Variants in LAMA3 observed in about 807,000 individuals in gnomAD.
The protein encoded by LAMA3 is laminin subunit alpha-3.
A neutral mutation model predicts 402.0 loss-of-function variants in LAMA3; 281 were observed. That is an observed-to-expected ratio of 0.70 (90% CI 0.63 to 0.77). The LOEUF is 0.77. Among genes scored for constraint, LAMA3 ranks in the 30% least tolerant of loss-of-function variants. LAMA3 has a pLI of 0.00. For synonymous variants in LAMA3, 1,431 were observed against 1,558.4 expected, an observed-to-expected ratio of 0.92 and a Z score of 1.93; for missense variants, 3,840 against 4,215.5, an observed-to-expected ratio of 0.91 and a Z score of 2.47.
At chr18:23,922,925 A>G (rs1383878460) in intron 62 of LAMA3, among the ~76,000 whole-genome samples, 3 of 152,204 alleles carry the variant, frequency 2.0e-5, no homozygotes, top group Non-Finnish European at 4.4e-5. Context: ...GAAGAACAGA[A>G]GAGAGACAGT....
At chr18:23,716,166 T>A (rs1294468096) in intron 2 of LAMA3, among the ~76,000 whole-genome samples, 1 of 152,030 alleles carries the variant, frequency 6.6e-6, no homozygotes, top group Non-Finnish European at 1.5e-5. Context: ...CATATCGATT[T>A]TTTTTTTTTT....
At chr18:23,763,201 A>G (rs2062007925) in intron 7 of LAMA3, among the ~76,000 whole-genome samples, 1 of 152,148 alleles carries the variant, frequency 6.6e-6, no homozygotes, top group Admixed American at 6.5e-5. Flanking sequence ...CGCTCATGGA[A>G]TATCAAATGA....
At position 23,839,820 on chromosome 18, in the gene LAMA3, C is replaced by T. The variant is rs758677988; in HGVS notation, c.3227C>T (p.Pro1076Leu). 3.1e-6 allele frequency: 5 copies of T among 1,614,092 alleles called. No individual in the cohort carries two copies. The highest frequency in any genetic ancestry group is 4.2e-6 in the Non-Finnish European group (5 of 1,179,958). The change falls in exon 27 of 75, where the codon CCA becomes CTA. Residue 1076 changes from proline (P) to leucine (L), a missense_variant. By Grantham distance (98) the Pro-to-Leu change is moderately conservative (BLOSUM62 -3). Coordinates refer to ENST00000313654, the MANE Select transcript of LAMA3 (RefSeq NM_198129.4). The surrounding 1 kb of genome is among the most constrained non-coding windows in gnomAD (Gnocchi z 4.5). ...TCVSLAHETP[P>L]TALILDVLSG... ...GTCTCCTTGGCCCATGAAACTCCTC[C>T]AACAGCATTAATTTTGGATGTTCTA...
intron 50 of LAMA3, 89 bp from the exon 51 acceptor site, chr18:23,904,464 A>G: frequency 7.4e-7 from 1 of 1,347,548 alleles, no homozygotes; most frequent in Admixed American, 2.5e-5. Context: ...GAAAGAAAAA[A>G]TAAAAAGAAG....
At chr18:23,769,450 A>G (rs2062147574) in intron 8 of LAMA3, among the ~76,000 whole-genome samples, 1 of 152,260 alleles carries the variant, frequency 6.6e-6, no homozygotes, top group South Asian at 2.1e-4. Flanking sequence ...TACATATGCA[A>G]CAATAGCATA....
At chr18:23,945,887 A>C (rs2082691255) in intron 69 of LAMA3, among the ~76,000 whole-genome samples, 1 of 151,880 alleles carries the variant, frequency 6.6e-6, no homozygotes, top group African/African-American at 2.4e-5. Flanking sequence ...TGAATTCTAT[A>C]ATCTCTTTTG....
At chr18:23,727,406 AC>A (rs1406391982) in intron 2 of LAMA3, among the ~76,000 whole-genome samples, 1 of 151,580 alleles carries the variant, frequency 6.6e-6, no homozygotes, top group Non-Finnish European at 1.5e-5. Flanking sequence ...GCTCACTGCA[AC>A]CTCTGCTTCC....
At chr18:23,765,295 G>A (rs2062052852) in intron 8 of LAMA3, among the ~76,000 whole-genome samples, 1 of 152,112 alleles carries the variant, frequency 6.6e-6, no homozygotes, top group Non-Finnish European at 1.5e-5. Context: ...TCAAGAGCAG[G>A]GAAATCCCTA....
At chr18:23,765,423 AC>A in intron 8 of LAMA3, among the ~76,000 whole-genome samples, 1 of 152,238 alleles carries the variant, frequency 6.6e-6, no homozygotes, top group East Asian at 1.9e-4. Flanking sequence ...CATTTTAGTT[AC>A]CACTTAAGAG....
intron 74 of LAMA3, 91 bp from the exon 75 acceptor site, chr18:23,954,401 TAAAAAAAAAAA>T (rs11406615): frequency 1.5e-6 from 1 of 678,850 alleles, no homozygotes; most frequent in Non-Finnish European, 2.3e-6. Flanking sequence ...GGACCCTGTC[TAAAAAAAAAAA>T]AAAAAAAAAA....
intron 18 of LAMA3, among the ~76,000 whole-genome samples, chr18:23,817,733 T>A (rs1413370682): frequency 6.6e-6 from 1 of 151,808 alleles, no homozygotes; most frequent in Non-Finnish European, 1.5e-5. Flanking sequence ...ACAAAAAAAG[T>A]CAGAGTAACC....
intron 62 of LAMA3, 129 bp from the exon 63 acceptor site, chr18:23,927,994 G>T: frequency 2.6e-6 from 2 of 763,514 alleles, no homozygotes; most frequent in East Asian, 2.5e-5. Context: ...GGAATCCCAT[G>T]GGAAAGGATA....
chr18:23,897,988 G>A (rs2080932986), intron 44 of LAMA3, among the ~76,000 whole-genome samples: 1 of 152,088 alleles, frequency 6.6e-6, no homozygotes, highest in Non-Finnish European at 1.5e-5. Context: ...TTTAAAGCCT[G>A]TATTCTTTTA....
chr18:23,861,828 T>A (rs746312629), intron 35 of LAMA3, 21 bp downstream of exon 35: 1 of 1,604,244 alleles, frequency 6.2e-7, no homozygotes, highest in Non-Finnish European at 8.5e-7. Context: ...CCTGCTGTTC[T>A]TCTGGGCCCT....
chr18:23,899,077 TATTAAGCCCAATTAC>T lies in LAMA3; in HGVS notation c.5836+16_5836+30del. 6.3e-7 allele frequency: 1 copy of T among 1,597,218 alleles called. No homozygotes were observed. On this transcript the variant is annotated intron_variant, in intron 46 of 74. Coordinates refer to ENST00000313654, the MANE Select transcript of LAMA3 (RefSeq NM_198129.4). ...CCGGAATGTGCACAGTAAGAAGAGT[TATTAAGCCCAATTAC>T]ATTTTTTTTGGTTACATAACCTTCA...
At chr18:23,872,979 G>A in intron 38 of LAMA3, 1 of 1,605,046 alleles carries the variant, frequency 6.2e-7, no homozygotes, top group Non-Finnish European at 8.5e-7. Flanking sequence ...GCACTGAGCA[G>A]GAAGGGCAGG....
intron 32 of LAMA3, among the ~76,000 whole-genome samples, chr18:23,849,186 A>G (rs2063890933): frequency 6.6e-6 from 1 of 152,206 alleles, no homozygotes; most frequent in African/African-American, 2.4e-5. Flanking sequence ...TCAACTCTCT[A>G]TAGCAGCAAT....
At chr18:23,889,651 G>T in intron 41 of LAMA3, among the ~76,000 whole-genome samples, 1 of 131,734 alleles carries the variant, frequency 7.6e-6, no homozygotes, top group Admixed American at 8.2e-5. Flanking sequence ...AAGAGGAAGG[G>T]AAGGGAGGAG....
chr18:23,759,382 C>T (rs1420172375), intron 7 of LAMA3, among the ~76,000 whole-genome samples: 3 of 151,070 alleles, frequency 2.0e-5, no homozygotes, highest in African/African-American at 7.3e-5. Flanking sequence ...AACAAACAAA[C>T]CCTAAGACAT....
Sources: allele counts gnomAD v4.1 joint callset (sites outside exome capture counted in the v4.1 genomes callset), GRCh38; gene constraint gnomAD v4.1.1; non-coding constraint Gnocchi (gnomAD v3.1); transcripts MANE v1.5; gene names NCBI Gene and HGNC (gene_info 2026-07-23, HGNC 2026-07-21).